The following SLC2A13 variants were observed in gnomAD, a reference collection of about 807,000 sequenced individuals.
SLC2A13 encodes the protein proton myo-inositol cotransporter.
A neutral mutation model predicts 64.4 loss-of-function variants in SLC2A13; 32 were observed. That is an observed-to-expected ratio of 0.50 (90% CI 0.37 to 0.67). The LOEUF (loss-of-function observed/expected upper bound fraction) is 0.67, where lower values mean the gene tolerates loss of function less well. SLC2A13 is among the 30% of genes least tolerant of loss of function. The pLI, the probability that SLC2A13 is intolerant of heterozygous loss-of-function variation, is 0.00. For synonymous variants in SLC2A13, 338 were observed against 327.1 expected (o/e 1.03, Z -0.36); for missense variants, 743 against 829.2 (o/e 0.90, Z 1.28).
chr12:39,905,496 G>T (rs1945247430), intron 4 of SLC2A13, among the ~76,000 whole-genome samples: 1 of 151,986 alleles, frequency 6.6e-6, no homozygotes, highest in African/African-American at 2.4e-5. Flanking sequence ...TTCATTTTGT[G>T]GCATTTTTCT....
intron 3 of SLC2A13, among the ~76,000 whole-genome samples, chr12:40,026,409 C>G (rs1342223944): frequency 1.3e-5 from 2 of 152,144 alleles, no homozygotes; most frequent in South Asian, 2.1e-4. Context: ...CCAAAGACTT[C>G]TGATAAAAAC....
chr12:39,867,979 T>A (rs1453734506), intron 5 of SLC2A13, among the ~76,000 whole-genome samples: 4 of 152,216 alleles, frequency 2.6e-5, no homozygotes, highest in African/African-American at 9.6e-5. Flanking sequence ...TTTTAAGTAA[T>A]CACTTAGTCC....
At chr12:39,844,808 AC>A (rs1276464494) in intron 6 of SLC2A13, among the ~76,000 whole-genome samples, 1 of 152,016 alleles carries the variant, frequency 6.6e-6, no homozygotes, top group Non-Finnish European at 1.5e-5. Flanking sequence ...ATAAAGAAAT[AC>A]CTAAAGAAAG....
chr12:39,997,785 C>T (rs28740217), intron 3 of SLC2A13, among the ~76,000 whole-genome samples: 135 of 152,144 alleles, frequency 8.9e-4, no homozygotes, highest in African/African-American at 2.7e-3. Context: ...GAGCCGAGAT[C>T]GCACCACTGC....
chr12:39,900,004 G>C (rs1945041289), intron 4 of SLC2A13, among the ~76,000 whole-genome samples: 1 of 152,088 alleles, frequency 6.6e-6, no homozygotes, highest in Non-Finnish European at 1.5e-5. Context: ...GATCAAGTGG[G>C]CTTCATCCCT....
intron 4 of SLC2A13, among the ~76,000 whole-genome samples, chr12:39,919,740 T>C (rs1424715198): frequency 1.3e-5 from 2 of 152,120 alleles, no homozygotes; most frequent in Non-Finnish European, 2.9e-5. Context: ...TATAATTTCA[T>C]CTTTTCTAAT....
intron 7 of SLC2A13, among the ~76,000 whole-genome samples, chr12:39,782,450 C>T (rs1201325846): frequency 6.6e-6 from 1 of 152,034 alleles, no homozygotes; most frequent in African/African-American, 2.4e-5. Context: ...TTTCTCTTGC[C>T]GCCACCACGT....
rs913742198 is a variant in SLC2A13 at position 39,778,362 on chromosome 12, T to C, written c.1446-13504A>G. Reference sequence around the variant, plus strand: ...CTAGTAGCCACTGAGATCCAACTTATTGCCAGCTCTTGGGGGCCAGCTGTA... The same window carrying C: ...CTAGTAGCCACTGAGATCCAACTTACTGCCAGCTCTTGGGGGCCAGCTGTA... On this transcript the variant is annotated intron_variant, in intron 7 of 9. Coordinates refer to ENST00000280871, the MANE Select transcript of SLC2A13 (RefSeq NM_052885.4). Among the ~76,000 whole-genome samples, 3 of 152,202 alleles carry C rather than the reference T, an allele frequency of 2.0e-5. No individual in the cohort carries two copies. In the South Asian group the frequency reaches 6.2e-4, roughly 32 times the overall value.
intron 4 of SLC2A13, among the ~76,000 whole-genome samples, chr12:39,945,527 T>C (rs1220592756): frequency 2.0e-5 from 3 of 152,098 alleles, no homozygotes; most frequent in Admixed American, 2.0e-4. Context: ...CCCAGACTTC[T>C]TATAGGCTTT....
chr12:39,866,882 G>A (rs201101208), intron 5 of SLC2A13, among the ~76,000 whole-genome samples: 1 of 152,204 alleles, frequency 6.6e-6, no homozygotes, highest in African/African-American at 2.4e-5. Flanking sequence ...ACAGAACAAA[G>A]TTGAAGGATG....
chr12:39,777,724 A>G (rs1171186383), intron 7 of SLC2A13, among the ~76,000 whole-genome samples: 1 of 152,254 alleles, frequency 6.6e-6, no homozygotes, highest in Admixed American at 6.5e-5. Context: ...ACGCACCAAC[A>G]GGCATCGGCA....
At chr12:39,949,964 G>A (rs1190647335) in intron 4 of SLC2A13, 1 of 152,148 alleles carries the variant, frequency 6.6e-6, no homozygotes, top group Non-Finnish European at 1.5e-5. Flanking sequence ...CAACAGATGG[G>A]CCTTAATAGA....
chr12:40,087,577 C>A (rs1416174880), intron 1 of SLC2A13, among the ~76,000 whole-genome samples: 17 of 152,104 alleles, frequency 1.1e-4, no homozygotes, highest in Admixed American at 1.1e-3. Context: ...ATTTATGTAA[C>A]CCACAAGCAT....
intron 4 of SLC2A13, among the ~76,000 whole-genome samples, chr12:39,944,284 A>C (rs1946096990): frequency 6.6e-6 from 1 of 152,258 alleles, no homozygotes; most frequent in Non-Finnish European, 1.5e-5. Context: ...TCTTGGAGAC[A>C]GTTCCATGTG....
chr12:40,071,011 G>C (rs1937936458), intron 1 of SLC2A13, among the ~76,000 whole-genome samples: 1 of 152,148 alleles, frequency 6.6e-6, no homozygotes, highest in Non-Finnish European at 1.5e-5. Flanking sequence ...GTGGTTCTCA[G>C]ATATGGCCCT....
At chr12:39,918,919 C>A (rs115654850) in intron 4 of SLC2A13, among the ~76,000 whole-genome samples, 3,643 of 150,384 alleles carry the variant, frequency 0.024, 172 homozygotes, top group African/African-American at 0.082. Context: ...GTTTCTAGAT[C>A]ATTTCAGGTT....
rs1405465476 is a variant in SLC2A13, at chr12:40,042,748, C to T, written c.716+5303G>A. 4.0e-5 allele frequency among the ~76,000 whole-genome samples: 6 copies of T among 151,842 alleles called. No individual in the cohort carries two copies. The East Asian group carries it at 1.2e-3, about 29-fold the overall frequency. On this transcript the variant is annotated intron_variant, in intron 2 of 9. Coordinates refer to ENST00000280871, the MANE Select transcript of SLC2A13 (RefSeq NM_052885.4). ...AAAAGGTCAATGACATTCAGGAGTTCCAAAATGAATGAGAGGAGATAGAAG... is the reference window on the plus strand; with the variant it reads ...AAAAGGTCAATGACATTCAGGAGTTTCAAAATGAATGAGAGGAGATAGAAG...
intron 6 of SLC2A13, among the ~76,000 whole-genome samples, chr12:39,833,357 T>C (rs1170366730): frequency 6.6e-6 from 1 of 151,980 alleles, no homozygotes; most frequent in Non-Finnish European, 1.5e-5. Context: ...TTTTTTAAAT[T>C]CCCTAACTTC....
chr12:40,062,347 A>G (rs930740079), intron 1 of SLC2A13, among the ~76,000 whole-genome samples: 3 of 149,144 alleles, frequency 2.0e-5, no homozygotes, highest in Non-Finnish European at 3.0e-5. Context: ...CATGAAAAAA[A>G]CTAAATTTCT....
Sources: allele counts gnomAD v4.1 joint callset (sites outside exome capture counted in the v4.1 genomes callset), GRCh38; gene constraint gnomAD v4.1.1; transcripts MANE v1.5; gene names NCBI Gene and HGNC (gene_info 2026-07-23, HGNC 2026-07-21).